VRK2: variants seen among roughly 807,000 people sequenced by gnomAD.
VRK2 encodes the protein VRK serine/threonine kinase 2.
VRK2 carries 60 observed loss-of-function variants against 57.6 expected under a neutral mutation model. That is an observed-to-expected ratio of 1.04 (90% confidence interval 0.85 to 1.29). The LOEUF is 1.29. Among genes scored for constraint, VRK2 ranks in the 50% most tolerant of loss-of-function variants. VRK2 has a pLI of 0.00. For missense variants in VRK2, 705 were observed against 588.1 expected (o/e 1.20, Z -2.06); for synonymous variants, 231 against 199.2 (o/e 1.16, Z -1.35).
chr2:58,009,197 C>T (rs1214155793), intron 1 of VRK2, among the ~76,000 whole-genome samples: 1 of 152,036 alleles, frequency 6.6e-6, no homozygotes, highest in Non-Finnish European at 1.5e-5. Context: ...AGTCACTTCT[C>T]ATTTCTTGTA....
intron 1 of VRK2, among the ~76,000 whole-genome samples, chr2:57,970,588 G>GA (rs1025715221): frequency 1.3e-5 from 2 of 151,596 alleles, no homozygotes; most frequent in African/African-American, 4.8e-5. Context: ...GGATATTGGA[G>GA]AAAACCTCAC....
chr2:58,076,957 A>G (rs1037074496), intron 2 of VRK2, among the ~76,000 whole-genome samples: 2 of 152,064 alleles, frequency 1.3e-5, no homozygotes, highest in Non-Finnish European at 2.9e-5. Flanking sequence ...CACATAGTAC[A>G]TTACATAGTT....
At chr2:58,066,405 G>T (rs537365276) in intron 2 of VRK2, among the ~76,000 whole-genome samples, 116 of 152,154 alleles carry the variant, frequency 7.6e-4, no homozygotes, top group African/African-American at 2.7e-3. Flanking sequence ...AAACATTCTT[G>T]CATTCCTCAA....
At chr2:57,917,114 G>A (rs995472434) in intron 1 of VRK2, among the ~76,000 whole-genome samples, 3 of 152,148 alleles carry the variant, frequency 2.0e-5, no homozygotes, top group Non-Finnish European at 2.9e-5. Flanking sequence ...TGGTCAGGAA[G>A]TCATTTATGC....
At chr2:57,958,813 G>C (rs527374500) in intron 1 of VRK2, among the ~76,000 whole-genome samples, 1 of 152,172 alleles carries the variant, frequency 6.6e-6, no homozygotes, top group African/African-American at 2.4e-5. Context: ...TCAAGGGAAT[G>C]TGAATATCTC....
At chr2:57,925,402 G>A (rs2717013) in intron 1 of VRK2, among the ~76,000 whole-genome samples, 48,533 of 151,826 alleles carry the variant, frequency 0.32, 8,505 homozygotes, top group East Asian at 0.41. Flanking sequence ...TTCAGGTTTT[G>A]GATTTCCTTA....
chr2:58,126,101 G>A (rs1294663207), intron 8 of VRK2, among the ~76,000 whole-genome samples: 2 of 150,482 alleles, frequency 1.3e-5, no homozygotes, highest in African/African-American at 4.9e-5. Flanking sequence ...CCAACTATGA[G>A]ATCAAATACT....
Position 58,029,216 on chromosome 2 carries a change from T to A in VRK2, c.-333+3446T>A. ...TTTTCTATTTGTATTATGAATGAAA[T>A]AGAGAGGAAAAAATAATAGATAAAT... is the stretch of plus-strand genomic sequence containing the variant. On this transcript the variant is annotated intron_variant, in intron 2 of 15. Coordinates refer to the VRK2 transcript ENST00000417641. Among the ~76,000 whole-genome samples the A allele has an allele frequency of 1.3e-5, 2 of 151,908 alleles. 1 individual carries two copies. The highest frequency in any genetic ancestry group is 3.9e-4 in the East Asian group (2 of 5,168).
At chr2:57,935,319 G>T (rs1427523374) in intron 1 of VRK2, among the ~76,000 whole-genome samples, 1 of 152,052 alleles carries the variant, frequency 6.6e-6, no homozygotes, top group Non-Finnish European at 1.5e-5. Flanking sequence ...GATTCCTCTT[G>T]GTGGGGTGTG....
intron 2 of VRK2, among the ~76,000 whole-genome samples, chr2:58,026,352 A>G (rs1392321466): frequency 6.6e-6 from 1 of 152,050 alleles, no homozygotes; most frequent in Non-Finnish European, 1.5e-5. Flanking sequence ...GAGGGAGACA[A>G]TGCAGTATCT....
intron 1 of VRK2, among the ~76,000 whole-genome samples, chr2:57,914,471 G>T (rs1266374754): frequency 2.0e-5 from 3 of 151,830 alleles, no homozygotes; most frequent in Non-Finnish European, 2.9e-5. Flanking sequence ...CTTAGGTAAG[G>T]CCTGAAATAT....
chr2:58,074,031 C>G (rs1362566142), intron 2 of VRK2, among the ~76,000 whole-genome samples: 1 of 152,104 alleles, frequency 6.6e-6, no homozygotes, highest in Non-Finnish European at 1.5e-5. Flanking sequence ...TAAATACTTT[C>G]TATCCTTCAA....
intron 1 of VRK2, among the ~76,000 whole-genome samples, chr2:57,944,377 A>G (rs1342245959): frequency 6.6e-6 from 1 of 152,268 alleles, no homozygotes. Flanking sequence ...ATGGATGGAC[A>G]AAGAATGGAA....
chr2:57,919,768 A>T (rs1001210152), intron 1 of VRK2, among the ~76,000 whole-genome samples: 1 of 152,056 alleles, frequency 6.6e-6, no homozygotes, highest in African/African-American at 2.4e-5. Context: ...TTTCATTTGG[A>T]TATAGTTTAT....
chr2:58,057,861 G>A (rs1437224547), intron 2 of VRK2, among the ~76,000 whole-genome samples: 1 of 151,596 alleles, frequency 6.6e-6, no homozygotes, highest in African/African-American at 2.4e-5. Context: ...TTTTGTATCA[G>A]GCAGACAATG....
chr2:58,082,981 G>A lies in VRK2; in HGVS notation c.137-1108G>A, dbSNP rs181101632. ...AAGATGTGAATTAATGGAAAAAAGA[G>A]AACAGCTGACAGAATTAGAAGAAAG... On this transcript the variant is annotated intron_variant, in intron 2 of 12. Transcript: ENST00000340157. 7.3e-3 allele frequency among the ~76,000 whole-genome samples: 1,105 copies of A among 151,720 alleles called. 10 individuals carry two copies. The highest frequency in any genetic ancestry group is 0.011 in the Non-Finnish European group (772 of 67,714).
chr2:58,049,234 C>CT lies in VRK2; in HGVS notation c.136+276dup, dbSNP rs891864435. 2.2e-4 allele frequency among the ~76,000 whole-genome samples: 34 copies of CT among 151,324 alleles called. 1 individual carries two copies. The highest frequency in any genetic ancestry group is 6.3e-4 in the South Asian group (3 of 4,786). On this transcript the variant is annotated intron_variant, in intron 2 of 12. Transcript: ENST00000340157. Reference sequence around the variant, plus strand: ...ATCTGCCAGACAAAATGCTAACTTTCTTTTTTTTTGAGAGCTTGTTTTCTT... The same window carrying CT: ...ATCTGCCAGACAAAATGCTAACTTTCTTTTTTTTTTGAGAGCTTGTTTTCTT...
intron 3 of VRK2, among the ~76,000 whole-genome samples, chr2:58,036,388 G>T (rs1012652548): frequency 5.9e-5 from 9 of 151,952 alleles, no homozygotes; most frequent in African/African-American, 1.9e-4. Context: ...AAATGAATGT[G>T]GTGAAGAGGC....
intron 1 of VRK2, among the ~76,000 whole-genome samples, chr2:57,977,291 C>G (rs1301549354): frequency 6.6e-6 from 1 of 152,078 alleles, no homozygotes; most frequent in Non-Finnish European, 1.5e-5. Flanking sequence ...AGTATTAAAT[C>G]TATAAATTGC....
Sources: allele counts gnomAD v4.1 joint callset (sites outside exome capture counted in the v4.1 genomes callset), GRCh38; gene constraint gnomAD v4.1.1; transcripts MANE v1.5; gene names NCBI Gene and HGNC (gene_info 2026-07-23, HGNC 2026-07-21).